The following DSCAML1 variants were observed in gnomAD, a reference collection of about 807,000 sequenced individuals.
DSCAML1 encodes cell adhesion molecule DSCAML1.
Under a neutral mutation model 200.5 loss-of-function variants are expected in DSCAML1, and 38 were observed. The ratio of observed to expected loss-of-function variants is 0.19; its 90% confidence interval spans 0.15 to 0.25. The LOEUF is 0.25. DSCAML1 is among the 10% of genes least tolerant of loss of function. The pLI, the probability that DSCAML1 is intolerant of heterozygous loss-of-function variation, is 1.00. For synonymous variants in DSCAML1, 1,215 were observed against 1,165.0 expected (o/e 1.04, Z -0.87); for missense variants, 2,223 against 2,858.8 (o/e 0.78, Z 5.07).
At chr11:117,442,419 G>C (rs11216390) in intron 21 of DSCAML1, among the ~76,000 whole-genome samples, 13,925 of 151,660 alleles carry the variant, frequency 0.092, 853 homozygotes, top group Non-Finnish European at 0.13. Context: ...ATGTGTATGT[G>C]CGTAAATGTA....
chr11:117,663,152 C>T (rs916796213), intron 3 of DSCAML1, among the ~76,000 whole-genome samples: 1 of 152,196 alleles, frequency 6.6e-6, no homozygotes, highest in East Asian at 1.9e-4. Flanking sequence ...AGACCCATGG[C>T]ATTGCACGCT....
chr11:117,597,056 C>T (rs909392327), intron 3 of DSCAML1, among the ~76,000 whole-genome samples: 8 of 152,174 alleles, frequency 5.3e-5, no homozygotes, highest in Non-Finnish European at 8.8e-5. Flanking sequence ...GATGGTGCTG[C>T]GGCTGGAACA....
rs780738758 is a variant in DSCAML1, at chr11:117,430,902, T to C, written c.5506A>G (p.Ile1836Val). The C allele has an allele frequency of 1.2e-6, 2 of 1,614,054 alleles. No homozygotes were observed. Among genetic ancestry groups the C allele is most frequent in the Non-Finnish European group, 1.7e-6 (2 of 1,180,034 alleles). Reference sequence around the variant, plus strand: ...ATCTGGTCAGAGGAACTGTCAGAGATGAAGCACTCGGTGATCTCAAACTTG... The same window carrying C: ...ATCTGGTCAGAGGAACTGTCAGAGACGAAGCACTCGGTGATCTCAAACTTG... ...HAKFEITECF[I>V]SDSSSDQMTT... Residue 1836 changes from isoleucine to valine, a missense_variant, in exon 32 of 33, where the codon ATC (isoleucine) becomes GTC (valine). Physicochemically the swap from Ile to Val is conservative, Grantham distance 29 (BLOSUM62 3). Around this residue, in one of 7 missense-constraint regions of DSCAML1, gnomAD observed 96 missense variants for 160.7 expected, o/e 0.60. Coordinates refer to ENST00000651296, the MANE Select transcript of DSCAML1 (RefSeq NM_020693.4).
At chr11:117,565,009 G>T (rs2050731399) in intron 3 of DSCAML1, among the ~76,000 whole-genome samples, 1 of 152,040 alleles carries the variant, frequency 6.6e-6, no homozygotes, top group South Asian at 2.1e-4. Context: ...CAGGTGATCT[G>T]CCCACCTCGG....
At chr11:117,672,787 C>T (rs2053137608) in intron 3 of DSCAML1, among the ~76,000 whole-genome samples, 1 of 152,202 alleles carries the variant, frequency 6.6e-6, no homozygotes, top group South Asian at 2.1e-4. Context: ...GATTCAAAGA[C>T]TCGGGGTATC....
intron 3 of DSCAML1, among the ~76,000 whole-genome samples, chr11:117,728,262 G>C (rs1179950163): frequency 6.6e-6 from 1 of 152,126 alleles, no homozygotes; most frequent in East Asian, 1.9e-4. Flanking sequence ...AACATAATTA[G>C]GAATAGAAGG....
At chr11:117,479,696 T>C (rs2048869226) in intron 14 of DSCAML1, among the ~76,000 whole-genome samples, 1 of 152,102 alleles carries the variant, frequency 6.6e-6, no homozygotes, top group African/African-American at 2.4e-5. Context: ...TTGCCCAGGC[T>C]GGAGTGCAAT....
At chr11:117,671,765 G>A (rs75279337) in intron 3 of DSCAML1, among the ~76,000 whole-genome samples, 2,361 of 152,320 alleles carry the variant, frequency 0.016, 23 homozygotes, top group South Asian at 0.026. Context: ...GAAAGGCAGA[G>A]TGGGCGGGGG....
At chr11:117,782,654 C>T (rs2055285232) in intron 1 of DSCAML1, among the ~76,000 whole-genome samples, 1 of 152,220 alleles carries the variant, frequency 6.6e-6, no homozygotes, top group Admixed American at 6.5e-5. Context: ...GGAGGTTTCT[C>T]TTAGAATATA....
At chr11:117,802,040 G>T (rs998184108), upstream of DSCAML1, 5 of 152,238 alleles carry the variant, frequency 3.3e-5, no homozygotes, top group Non-Finnish European at 5.9e-5. Flanking sequence ...TGGAAACTAA[G>T]AGAGATAGGA....
intron 3 of DSCAML1, among the ~76,000 whole-genome samples, chr11:117,636,370 T>C (rs1165080705): frequency 6.6e-6 from 1 of 152,202 alleles, no homozygotes; most frequent in African/African-American, 2.4e-5. Context: ...CCCAATGTAT[T>C]GGGATTAGCA....
intron 16 of DSCAML1, among the ~76,000 whole-genome samples, chr11:117,467,509 G>T (rs115853287): frequency 3.3e-3 from 501 of 150,940 alleles, no homozygotes; most frequent in African/African-American, 0.012. Flanking sequence ...CAGCACTACT[G>T]TTTTTTTTTC....
chr11:117,605,945 C>A (rs1298721587), intron 3 of DSCAML1, among the ~76,000 whole-genome samples: 1 of 152,120 alleles, frequency 6.6e-6, no homozygotes, highest in East Asian at 1.9e-4. Flanking sequence ...GGGTGTACAC[C>A]ACCTAGTCCA....
intron 1 of DSCAML1, among the ~76,000 whole-genome samples, chr11:117,805,751 T>C (rs570467314): frequency 1.3e-4 from 20 of 152,234 alleles, no homozygotes; most frequent in Non-Finnish European, 2.8e-4. Context: ...CCAGCCCCTG[T>C]GCAAGGAGTT....
intron 3 of DSCAML1, among the ~76,000 whole-genome samples, chr11:117,568,308 G>C (rs369522076): frequency 6.6e-6 from 1 of 151,818 alleles, no homozygotes; most frequent in Non-Finnish European, 1.5e-5. Flanking sequence ...CTTTGAAAAC[G>C]GGCACAAGAC....
intron 3 of DSCAML1, among the ~76,000 whole-genome samples, chr11:117,650,696 T>C (rs1461375834): frequency 1.4e-5 from 2 of 142,404 alleles, no homozygotes; most frequent in Non-Finnish European, 3.1e-5. Flanking sequence ...TGTGTGTGTG[T>C]GTGTGCGTGT....
chr11:117,579,117 C>T (rs1174376583), intron 3 of DSCAML1, among the ~76,000 whole-genome samples: 16 of 152,200 alleles, frequency 1.1e-4, no homozygotes, highest in Non-Finnish European at 8.8e-5. Flanking sequence ...ATTGCCATGG[C>T]CGGGTCAACA....
chr11:117,675,564 A>C (rs1591388443), intron 3 of DSCAML1, among the ~76,000 whole-genome samples: 1 of 130,362 alleles, frequency 7.7e-6, no homozygotes, highest in Admixed American at 9.2e-5. Flanking sequence ...CAATACTCCC[A>C]CCTCTGGGGA....
intron 1 of DSCAML1, among the ~76,000 whole-genome samples, chr11:117,792,738 G>A (rs747616620): frequency 7.9e-5 from 12 of 152,084 alleles, no homozygotes; most frequent in Non-Finnish European, 7.4e-5. Flanking sequence ...AATCTAATGC[G>A]GGCCCTGGAT....
Sources: gnomAD v4.1 joint callset for allele counts (sites outside exome capture counted in the v4.1 genomes callset) on GRCh38, gnomAD v4.1.1 for gene constraint, gnomAD v4.1.1 regional missense constraint, MANE v1.5 for transcripts, NCBI Gene and HGNC (gene_info 2026-07-23, HGNC 2026-07-21) for gene names.